Variants in PIGL observed in about 807,000 individuals in gnomAD.
PIGL encodes the protein phosphatidylinositol glycan anchor biosynthesis class L.
Under a neutral mutation model 31.1 loss-of-function variants are expected in PIGL, and 22 were observed. The observed-to-expected ratio is 0.71, with a 90% CI of 0.51 to 1.01. The LOEUF is 1.01. Ranked by LOEUF, PIGL falls within the 50% of genes least tolerant of loss-of-function variation. The pLI, the probability that PIGL is intolerant of heterozygous loss-of-function variation, is 0.00. For missense variants in PIGL, 302 were observed against 315.9 expected (o/e 0.96, Z 0.33); for synonymous variants, 131 against 117.4 (o/e 1.12, Z -0.75).
chr17:16,273,719 G>C (rs1385582607), intron 2 of PIGL, among the ~76,000 whole-genome samples: 2 of 152,010 alleles, frequency 1.3e-5, no homozygotes, highest in African/African-American at 4.8e-5. Context: ...AAAAACAAAG[G>C]GTCTCCCAGA....
At chr17:16,275,936 A>G (rs894438274) in intron 2 of PIGL, among the ~76,000 whole-genome samples, 1 of 152,148 alleles carries the variant, frequency 6.6e-6, no homozygotes, top group Non-Finnish European at 1.5e-5. Context: ...CGGCAGGAGA[A>G]TCATTTGAAC....
chr17:16,262,189 C>G (rs1221447493), intron 2 of PIGL, among the ~76,000 whole-genome samples: 1 of 152,134 alleles, frequency 6.6e-6, no homozygotes, highest in African/African-American at 2.4e-5. Context: ...CACCACTGCA[C>G]TGCAGTCTGG....
intron 2 of PIGL, among the ~76,000 whole-genome samples, chr17:16,246,655 G>C: frequency 6.9e-6 from 1 of 145,724 alleles, no homozygotes; most frequent in East Asian, 2.0e-4. Flanking sequence ...CTGCAGGCTA[G>C]AAGTCCAGAT....
chr17:16,219,210 C>A (rs895867587), intron 1 of PIGL, among the ~76,000 whole-genome samples: 1 of 151,794 alleles, frequency 6.6e-6, no homozygotes, highest in African/African-American at 2.4e-5. Context: ...GCCACCATGC[C>A]CAGCTAATTT....
chr17:16,261,785 G>GTATTTTTTT (rs1302535681), intron 2 of PIGL, among the ~76,000 whole-genome samples: 7 of 151,946 alleles, frequency 4.6e-5, no homozygotes, highest in African/African-American at 9.7e-5. Flanking sequence ...TGTATTTTTT[G>GTATTTTTTT]TAGATATGAG....
intron 2 of PIGL, among the ~76,000 whole-genome samples, chr17:16,240,095 A>G (rs1001129339): frequency 1.3e-5 from 2 of 152,094 alleles, no homozygotes; most frequent in African/African-American, 4.8e-5. Flanking sequence ...ATAGTTTAGC[A>G]CTATCCTCCT....
At chr17:16,322,328 C>T (rs1241508142) in intron 6 of PIGL, among the ~76,000 whole-genome samples, 1 of 151,082 alleles carries the variant, frequency 6.6e-6, no homozygotes, top group Non-Finnish European at 1.5e-5. Context: ...CTTCTGGCCT[C>T]AAGTGATCCA....
chr17:16,293,799 A>G (rs959216948), intron 2 of PIGL, among the ~76,000 whole-genome samples: 3 of 152,268 alleles, frequency 2.0e-5, no homozygotes. Flanking sequence ...CTTATATTTT[A>G]AGTTTAGCTA....
chr17:16,236,861 G>A (rs1312374903), intron 2 of PIGL, among the ~76,000 whole-genome samples: 12 of 151,958 alleles, frequency 7.9e-5, no homozygotes, highest in Non-Finnish European at 1.3e-4. Flanking sequence ...GAGCCACCAC[G>A]CCTGGCCGCT....
At chr17:16,305,877 G>C (rs1421406179) in intron 3 of PIGL, among the ~76,000 whole-genome samples, 1 of 152,138 alleles carries the variant, frequency 6.6e-6, no homozygotes, top group African/African-American at 2.4e-5. Context: ...TCAAACTCCT[G>C]GGCTCAAATG....
chr17:16,232,698 G>GAA (rs1259240389), intron 1 of PIGL, among the ~76,000 whole-genome samples: 1 of 149,098 alleles, frequency 6.7e-6, no homozygotes, highest in African/African-American at 2.5e-5. Context: ...AATCTAGGGA[G>GAA]AAAAAATGGG....
intron 1 of PIGL, among the ~76,000 whole-genome samples, chr17:16,224,157 G>A (rs535110469): frequency 6.6e-6 from 1 of 152,032 alleles, no homozygotes; most frequent in African/African-American, 2.4e-5. Context: ...GGAGGTTGCA[G>A]TGAGCCAAGA....
At chr17:16,262,976 T>C (rs1489035241) in intron 2 of PIGL, among the ~76,000 whole-genome samples, 2 of 151,710 alleles carry the variant, frequency 1.3e-5, no homozygotes, top group Non-Finnish European at 2.9e-5. Flanking sequence ...AAAAGCTACA[T>C]AGGATTCCAT....
At chr17:16,265,359 C>G (rs575523778) in intron 2 of PIGL, among the ~76,000 whole-genome samples, 22 of 152,118 alleles carry the variant, frequency 1.4e-4, no homozygotes, top group Non-Finnish European at 2.6e-4. Flanking sequence ...GGGCTGGAGA[C>G]TCCTGTGGGT....
chr17:16,239,907 A>G (rs1022481861), intron 2 of PIGL, among the ~76,000 whole-genome samples: 1 of 151,998 alleles, frequency 6.6e-6, no homozygotes, highest in African/African-American at 2.4e-5. Flanking sequence ...GGTGTGGGCC[A>G]CCATGCCTGG....
intron 3 of PIGL, among the ~76,000 whole-genome samples, chr17:16,301,780 C>T (rs1398520046): frequency 6.6e-6 from 1 of 151,758 alleles, no homozygotes; most frequent in Non-Finnish European, 1.5e-5. Context: ...CCTATGTTAG[C>T]CAGGAGTCTC....
chr17:16,265,145 A>G (rs529296807), intron 2 of PIGL, among the ~76,000 whole-genome samples: 4 of 152,284 alleles, frequency 2.6e-5, no homozygotes, highest in African/African-American at 9.6e-5. Flanking sequence ...ATTGTGAGGT[A>G]ACAGAAAGGG....
At chr17:16,251,476 G>A (rs2092771532) in intron 2 of PIGL, among the ~76,000 whole-genome samples, 1 of 150,492 alleles carries the variant, frequency 6.6e-6, no homozygotes, top group Non-Finnish European at 1.5e-5. Context: ...AATTGACATC[G>A]TATAGAATCA....
chr17:16,311,467 C>CTTTTTTTTTTTTTTTTTTTTTCTT (rs778072602), intron 3 of PIGL, among the ~76,000 whole-genome samples: 1 of 18,974 alleles, frequency 5.3e-5, no homozygotes, highest in Non-Finnish European at 8.4e-5. Context: ...GGTTTTCTTT[C>CTTTTTTTTTTTTTTTTTTTTTCTT]TTTTTTTTTT....
Sources: gnomAD v4.1 joint callset for allele counts (sites outside exome capture counted in the v4.1 genomes callset) on GRCh38, gnomAD v4.1.1 for gene constraint, MANE v1.5 for transcripts, NCBI Gene and HGNC (gene_info 2026-07-23, HGNC 2026-07-21) for gene names.